Variants in NRXN3 observed in about 807,000 individuals in gnomAD.
The protein encoded by NRXN3 is neurexin 3, also known as neurexin III.
Under a neutral mutation model 137.6 loss-of-function variants are expected in NRXN3, and 32 were observed. The ratio of observed to expected loss-of-function variants is 0.23; its 90% confidence interval spans 0.18 to 0.31. The LOEUF is 0.31. Among genes scored for constraint, NRXN3 ranks in the 10% least tolerant of loss-of-function variants. NRXN3 has a pLI of 1.00. For missense variants in NRXN3, 1,574 were observed against 2,062.5 expected (o/e 0.76, Z 4.59); for synonymous variants, 798 against 784.5 (o/e 1.02, Z -0.29).
intron 4 of NRXN3, among the ~76,000 whole-genome samples, chr14:78,605,188 C>T (rs1449705085): frequency 6.6e-6 from 1 of 152,194 alleles, no homozygotes; most frequent in African/African-American, 2.4e-5. Context: ...CATCTTCCCT[C>T]AGGCTCAAGA....
chr14:79,542,824 G>A (rs1041390228), intron 16 of NRXN3, among the ~76,000 whole-genome samples: 1 of 151,990 alleles, frequency 6.6e-6, no homozygotes. Flanking sequence ...AGGAGAGCAG[G>A]GATAGCCAAC....
At chr14:78,667,749 T>A (rs1216161162) in intron 6 of NRXN3, among the ~76,000 whole-genome samples, 1 of 152,200 alleles carries the variant, frequency 6.6e-6, no homozygotes, top group Non-Finnish European at 1.5e-5. Flanking sequence ...TTCACATTTT[T>A]AAAATTCCTG....
chr14:79,051,030 A>G (rs1380660392), intron 15 of NRXN3, among the ~76,000 whole-genome samples: 2 of 152,176 alleles, frequency 1.3e-5, no homozygotes, highest in African/African-American at 4.8e-5. Flanking sequence ...AGGGGATACT[A>G]TTGTTATCCT....
At chr14:79,333,847 G>C (rs1644777197) in intron 15 of NRXN3, among the ~76,000 whole-genome samples, 1 of 152,100 alleles carries the variant, frequency 6.6e-6, no homozygotes, top group Non-Finnish European at 1.5e-5. Flanking sequence ...GAGTTGAAAT[G>C]ATGACGAGAA....
At chr14:78,750,643 GAAC>G (rs1235767927) in intron 8 of NRXN3, among the ~76,000 whole-genome samples, 1 of 152,128 alleles carries the variant, frequency 6.6e-6, no homozygotes, top group Non-Finnish European at 1.5e-5. Flanking sequence ...CCATACCAAT[GAAC>G]AACATGGGCC....
At chr14:78,988,221 A>G (rs1301560306) in intron 15 of NRXN3, 80 bp downstream of exon 15, 2 of 1,531,184 alleles carry the variant, frequency 1.3e-6, no homozygotes, top group South Asian at 2.2e-5. Context: ...AATATGTAAA[A>G]GGATGGCTCT....
chr14:78,885,762 A>G (rs952418605), intron 10 of NRXN3, among the ~76,000 whole-genome samples: 1 of 152,160 alleles, frequency 6.6e-6, no homozygotes, highest in Non-Finnish European at 1.5e-5. Flanking sequence ...AAGTGAATTT[A>G]TAATAAGATT....
chr14:78,456,968 T>C (rs114336223), intron 4 of NRXN3, among the ~76,000 whole-genome samples: 1 of 147,222 alleles, frequency 6.8e-6, no homozygotes, highest in African/African-American at 2.5e-5. Context: ...GCTTCCTTCC[T>C]TCTTCCTTCT....
intron 10 of NRXN3, among the ~76,000 whole-genome samples, chr14:78,849,200 A>G (rs1389630823): frequency 2.0e-5 from 3 of 152,116 alleles, no homozygotes; most frequent in African/African-American, 7.2e-5. Flanking sequence ...CAGGCAAGTT[A>G]GTTAGCTTCT....
chr14:78,475,798 G>A (rs2095367857), intron 4 of NRXN3, among the ~76,000 whole-genome samples: 1 of 152,176 alleles, frequency 6.6e-6, no homozygotes, highest in Non-Finnish European at 1.5e-5. Context: ...CTTGTGCATT[G>A]CTTAGAGAAG....
chr14:78,660,889 A>T (rs1174025062), intron 6 of NRXN3, among the ~76,000 whole-genome samples: 1 of 152,202 alleles, frequency 6.6e-6, no homozygotes, highest in Non-Finnish European at 1.5e-5. Flanking sequence ...AGGTCCTTGG[A>T]CAGGGAAAGA....
At chr14:78,444,572 C>A (rs977263093) in intron 4 of NRXN3, among the ~76,000 whole-genome samples, 13 of 152,114 alleles carry the variant, frequency 8.5e-5, no homozygotes, top group Non-Finnish European at 1.5e-5. Context: ...ATGCAGGACC[C>A]AAGGTGTTTC....
chr14:78,757,422 A>T (rs1005028165), intron 8 of NRXN3, among the ~76,000 whole-genome samples: 2 of 151,362 alleles, frequency 1.3e-5, no homozygotes, highest in Admixed American at 1.3e-4. Context: ...AAAAAAAAAA[A>T]GGATTCTGCA....
intron 15 of NRXN3, among the ~76,000 whole-genome samples, chr14:79,163,487 C>G (rs2060995773): frequency 6.6e-6 from 1 of 151,974 alleles, no homozygotes; most frequent in Non-Finnish European, 1.5e-5. Context: ...GTCACAGTGT[C>G]TTCTATCCCA....
rs1014225932 is a variant in NRXN3, at chr14:79,863,311, AATAT to A, written c.*1355_*1358del. 1 of 150,296 alleles carries A rather than the reference AATAT, an allele frequency of 6.7e-6. No individual in the cohort carries two copies. Among genetic ancestry groups the A allele is most frequent in the Non-Finnish European group, 1.5e-5 (1 of 67,620 alleles). The allele number at this position is 150,296 out of a possible 1,614,324, so 9.3% of individuals were successfully genotyped here. A position where few individuals can be genotyped will look rare whatever the true frequency, so the allele number is the denominator to read the frequency against. ...ACACACAAAAGGAATTTAATAGTAT[AATAT>A]ATATATAAATAAATATATATACAGA... On this transcript the variant is annotated 3_prime_UTR_variant, in exon 21 of 21. Transcript: ENST00000335750.
At chr14:78,452,931 A>G (rs759126638) in intron 4 of NRXN3, among the ~76,000 whole-genome samples, 1 of 152,236 alleles carries the variant, frequency 6.6e-6, no homozygotes, top group Non-Finnish European at 1.5e-5. Flanking sequence ...TTCATAAAAT[A>G]TGTTAATTAA....
intron 8 of NRXN3, among the ~76,000 whole-genome samples, chr14:78,791,328 A>T (rs755123560): frequency 2.0e-5 from 3 of 152,130 alleles, no homozygotes; most frequent in Non-Finnish European, 4.4e-5. Context: ...AACAAAAATG[A>T]ACATGCAAAC....
chr14:78,285,058 T>C (rs1216066336), intron 3 of NRXN3, among the ~76,000 whole-genome samples: 2 of 152,214 alleles, frequency 1.3e-5, no homozygotes, highest in African/African-American at 2.4e-5. Flanking sequence ...GGGCAAGTCA[T>C]GTAACCTCTC....
intron 15 of NRXN3, among the ~76,000 whole-genome samples, chr14:79,393,621 T>C (rs957137313): frequency 1.1e-4 from 16 of 152,152 alleles, no homozygotes; most frequent in African/African-American, 3.9e-4. Flanking sequence ...GAGACCATCC[T>C]GGCTAACACG....
Sources: gnomAD v4.1 joint callset for allele counts (sites outside exome capture counted in the v4.1 genomes callset) on GRCh38, gnomAD v4.1.1 for gene constraint, MANE v1.5 for transcripts, NCBI Gene and HGNC (gene_info 2026-07-23, HGNC 2026-07-21) for gene names.